The following SH3D19 variants were observed in gnomAD, a reference collection of about 807,000 sequenced individuals.
The protein encoded by SH3D19 is SH3 domain containing 19, also known as SH3 domain-containing protein 19.
A neutral mutation model predicts 112.1 loss-of-function variants in SH3D19; 58 were observed. That is an observed-to-expected ratio of 0.52 (90% CI 0.42 to 0.64). The LOEUF is 0.64. SH3D19 is among the 30% of genes least tolerant of loss of function. SH3D19 has a pLI of 0.00. For missense variants in SH3D19, 1,090 were observed against 1,263.4 expected, an observed-to-expected ratio of 0.86 and a Z score of 2.08; for synonymous variants, 391 against 448.5, an observed-to-expected ratio of 0.87 and a Z score of 1.62.
intron 1 of SH3D19, among the ~76,000 whole-genome samples, chr4:151,258,644 A>G (rs1400892348): frequency 6.6e-6 from 1 of 152,154 alleles, no homozygotes; most frequent in Non-Finnish European, 1.5e-5. Context: ...CTCTCCCAGG[A>G]CAGCAGGGGA....
intron 1 of SH3D19, among the ~76,000 whole-genome samples, chr4:151,241,479 A>G (rs974180055): frequency 6.6e-6 from 1 of 150,692 alleles, no homozygotes; most frequent in Non-Finnish European, 1.5e-5. Flanking sequence ...TTCTTTATGG[A>G]TTATGAAAAT....
At chr4:151,171,115 T>G (rs1758960399) in intron 7 of SH3D19, among the ~76,000 whole-genome samples, 1 of 152,242 alleles carries the variant, frequency 6.6e-6, no homozygotes, top group African/African-American at 2.4e-5. Flanking sequence ...TCCAATATTC[T>G]GTAGTAGAAG....
rs1187303865 is a variant in SH3D19, at chr4:151,199,340, C to G, written c.153-11877G>C. ...TTTTCAGGATATTTAAAAAGATTCA[C>G]AGAGAGGAAATGTGCCTTTTATCAG... is the stretch of plus-strand genomic sequence containing the variant. On this transcript the variant is annotated intron_variant, in intron 2 of 19. Coordinates refer to ENST00000604030, the MANE Select transcript of SH3D19 (RefSeq NM_001378122.1). 2.6e-5 allele frequency among the ~76,000 whole-genome samples: 4 copies of G among 152,084 alleles called. 1 individual carries two copies. Among genetic ancestry groups the G allele is most frequent in the African/African-American group, 9.7e-5 (4 of 41,406 alleles).
chr4:151,133,111 C>T lies in SH3D19; in HGVS notation c.2612G>A (p.Arg871Gln), dbSNP rs1209851220. The T allele has an allele frequency of 1.2e-5, 19 of 1,613,994 alleles. No individual in the cohort carries two copies. Among genetic ancestry groups the T allele is most frequent in the Admixed American group, 3.3e-5 (2 of 59,992 alleles). The change falls in exon 16 of 20, where the codon CGA (arginine) becomes CAA (glutamine). Residue 871 changes from arginine (R) to glutamine (Q), a missense_variant. Transcript: ENST00000604030. Reference sequence around the variant, plus strand: ...CAGGGGGAAAATCCCAGTTCTGCCTCGAACTTCTCCTCTGGCCCATTCCTC... The same window carrying T: ...CAGGGGGAAAATCCCAGTTCTGCCTTGAACTTCTCCTCTGGCCCATTCCTC... The part of the protein sequence containing the change: ...VNEEWARGEV[R>Q]GRTGIFPLNF...
intron 2 of SH3D19, among the ~76,000 whole-genome samples, chr4:151,217,860 A>T (rs932329665): frequency 6.6e-6 from 1 of 152,228 alleles, no homozygotes; most frequent in African/African-American, 2.4e-5. Context: ...GGAAACTGAC[A>T]TGGTAATACT....
intron 9 of SH3D19, among the ~76,000 whole-genome samples, chr4:151,155,854 A>G (rs1189303253): frequency 6.6e-6 from 1 of 152,150 alleles, no homozygotes; most frequent in African/African-American, 2.4e-5. Context: ...GTGCCACTGC[A>G]CTCCAACCTG....
At chr4:151,222,689 T>TC in intron 2 of SH3D19, among the ~76,000 whole-genome samples, 1 of 148,206 alleles carries the variant, frequency 6.7e-6, no homozygotes, top group Admixed American at 6.7e-5. Context: ...TTTTTTTTTT[T>TC]TGAGACGGAG....
intron 1 of SH3D19, chr4:151,283,015 G>A: frequency 1.0e-6 from 1 of 997,780 alleles, no homozygotes. Context: ...ATTGTAAGCT[G>A]CTTTTGGATT....
intron 7 of SH3D19, among the ~76,000 whole-genome samples, chr4:151,172,655 G>A (rs930595245): frequency 6.6e-6 from 1 of 152,100 alleles, no homozygotes; most frequent in Non-Finnish European, 1.5e-5. Flanking sequence ...GTAGTATTAC[G>A]TCTAAACAAA....
chr4:151,244,915 G>C (rs111342760), intron 1 of SH3D19, among the ~76,000 whole-genome samples: 2 of 151,960 alleles, frequency 1.3e-5, no homozygotes, highest in Non-Finnish European at 2.9e-5. Flanking sequence ...AGGCCGAGGC[G>C]GGCAGATCAC....
chr4:151,254,611 CAT>C (rs1322003479), intron 1 of SH3D19, among the ~76,000 whole-genome samples: 2 of 149,260 alleles, frequency 1.3e-5, no homozygotes, highest in Non-Finnish European at 3.0e-5. Flanking sequence ...GGACACAGCA[CAT>C]GTTTCAGAGA....
chr4:151,167,754 G>A (rs980615972), intron 7 of SH3D19, among the ~76,000 whole-genome samples: 2 of 151,696 alleles, frequency 1.3e-5, no homozygotes, highest in African/African-American at 2.4e-5. Flanking sequence ...AGTGAGGAGC[G>A]CCTCTTACTG....
At chr4:151,141,763 T>C (rs1448067461) in intron 12 of SH3D19, among the ~76,000 whole-genome samples, 1 of 152,270 alleles carries the variant, frequency 6.6e-6, no homozygotes, top group Non-Finnish European at 1.5e-5. Context: ...ATAAGTGTTA[T>C]TAGGCTAGAT....
At chr4:151,314,171 T>C (rs1416834554) in intron 1 of SH3D19, among the ~76,000 whole-genome samples, 1 of 152,208 alleles carries the variant, frequency 6.6e-6, no homozygotes, top group African/African-American at 2.4e-5. Context: ...CTAGGGCTCA[T>C]CAGCAATGCA....
At chr4:151,153,125 T>C (rs1405644427) in intron 9 of SH3D19, among the ~76,000 whole-genome samples, 1 of 151,944 alleles carries the variant, frequency 6.6e-6, no homozygotes, top group Non-Finnish European at 1.5e-5. Flanking sequence ...TGAACCACCA[T>C]GCCCAGCTGC....
intron 2 of SH3D19, among the ~76,000 whole-genome samples, chr4:151,208,469 C>T (rs1212647231): frequency 6.6e-6 from 1 of 152,158 alleles, no homozygotes; most frequent in Non-Finnish European, 1.5e-5. Flanking sequence ...CTCCTGAGTT[C>T]AAGAGATTCT....
intron 11 of SH3D19, among the ~76,000 whole-genome samples, chr4:151,146,799 G>C (rs1169259993): frequency 6.6e-6 from 1 of 152,188 alleles, no homozygotes; most frequent in African/African-American, 2.4e-5. Context: ...CTCCCAAAGT[G>C]CTGGGATTAC....
rs1043324489 is a variant in SH3D19, at chr4:151,120,658, G to C, written c.*1433C>G. The C allele has an allele frequency of 3.9e-5, 6 of 152,258 alleles. No homozygotes were observed. Among genetic ancestry groups the C allele is most frequent in the African/African-American group, 9.6e-5 (4 of 41,560 alleles). The allele number at this position is 152,258 out of a possible 1,614,324, so 9.4% of individuals were successfully genotyped here. The stretch of plus-strand genomic sequence containing the variant: ...ATAAAATGTAACCATAGAATGGGGA[G>C]ATAACTTTAGTCAAAGACCAAGTAA... On this transcript the variant is annotated 3_prime_UTR_variant, in exon 20 of 20. Transcript: ENST00000604030.
In SH3D19 at chr4:151,195,264, C is replaced by T. The variant is rs1157805195; in HGVS notation, c.153-7801G>A. Among the ~76,000 whole-genome samples the T allele has an allele frequency of 3.4e-5, 5 of 145,260 alleles. No homozygotes were observed. The South Asian group carries it at 9.0e-4, about 26-fold the overall frequency. ...GCGGGTGCCTGTAGTCCCAGCTACT[C>T]GGGAGGCTGAGGCAGGAGAATGGTG... On this transcript the variant is annotated intron_variant, in intron 2 of 19. Coordinates refer to ENST00000604030, the MANE Select transcript of SH3D19 (RefSeq NM_001378122.1).
Sources: allele counts gnomAD v4.1 joint callset (sites outside exome capture counted in the v4.1 genomes callset), GRCh38; gene constraint gnomAD v4.1.1; transcripts MANE v1.5; gene names NCBI Gene and HGNC (gene_info 2026-07-23, HGNC 2026-07-21).